The following PCDHGB1 variants were observed in gnomAD, a reference collection of about 807,000 sequenced individuals.
The protein encoded by PCDHGB1 is protocadherin gamma subfamily B, 1.
PCDHGB1 carries 34 observed loss-of-function variants against 56.6 expected under a neutral mutation model. The ratio of observed to expected loss-of-function variants is 0.60; its 90% CI spans 0.46 to 0.80. The LOEUF (loss-of-function observed/expected upper bound fraction) is 0.80. Among genes scored for constraint, PCDHGB1 ranks in the 30% least tolerant of loss-of-function variants. PCDHGB1 has a pLI of 0.00. For synonymous variants in PCDHGB1, 561 were observed against 505.9 expected (o/e 1.11, Z -1.46); for missense variants, 1,278 against 1,204.6 (o/e 1.06, Z -0.90).
At chr5:141,403,121 C>G in intron 1 of PCDHGB1, 1 of 1,614,046 alleles carries the variant, frequency 6.2e-7, no homozygotes, top group South Asian at 1.1e-5. Flanking sequence ...TCTGGAGCCC[C>G]GGGAGCTGGC....
In PCDHGB1 at chr5:141,415,309, G is replaced by A. The variant is rs199689792; in HGVS notation, c.2409+62640G>A. ...GGTCTCCTGCGTCTTCCTGGCCTTC[G>A]TCATCGTGCTGCTGGCGCACAGGCT... is the stretch of plus-strand genomic sequence containing the variant. On this transcript the variant is annotated intron_variant, in intron 1 of 3. Coordinates refer to ENST00000523390, the MANE Select transcript of PCDHGB1 (RefSeq NM_018922.3). 2.7e-5 allele frequency: 44 copies of A among 1,614,216 alleles called. No homozygotes were observed. In the Middle Eastern group the frequency reaches 8.2e-4, roughly 30 times the overall value.
At chr5:141,353,403 T>A (rs1413165994) in intron 1 of PCDHGB1, among the ~76,000 whole-genome samples, 1 of 152,242 alleles carries the variant, frequency 6.6e-6, no homozygotes, top group Non-Finnish European at 1.5e-5. Context: ...ATTAATGTAA[T>A]CTTCATCAAT....
At chr5:141,417,626 T>G in intron 1 of PCDHGB1, 2 of 689,576 alleles carry the variant, frequency 2.9e-6, no homozygotes, top group East Asian at 2.9e-5. Flanking sequence ...GAGCAAGCGC[T>G]GACGCCGGGG....
intron 1 of PCDHGB1, among the ~76,000 whole-genome samples, chr5:141,438,678 G>C (rs2098050264): frequency 7.1e-6 from 1 of 140,560 alleles, no homozygotes; most frequent in African/African-American, 2.6e-5. Context: ...ATTTGGAGTA[G>C]GGGATGGAGT....
At chr5:141,419,807 G>A in intron 1 of PCDHGB1, 2 of 1,614,074 alleles carry the variant, frequency 1.2e-6, no homozygotes, top group South Asian at 1.1e-5. Flanking sequence ...AAGAGATGGA[G>A]GACAGCCACC....
chr5:141,439,443 G>A (rs867907022), intron 1 of PCDHGB1, among the ~76,000 whole-genome samples: 1 of 152,164 alleles, frequency 6.6e-6, no homozygotes, highest in Non-Finnish European at 1.5e-5. Flanking sequence ...ATATTTTATT[G>A]CGGGAGCAAG....
intron 1 of PCDHGB1, among the ~76,000 whole-genome samples, chr5:141,465,422 G>T (rs74711061): frequency 6.6e-6 from 1 of 152,142 alleles, no homozygotes; most frequent in Non-Finnish European, 1.5e-5. Context: ...AGCACTGAAA[G>T]GTGGGCACTT....
chr5:141,360,334 C>T (rs1424290202), intron 1 of PCDHGB1: 1 of 1,613,888 alleles, frequency 6.2e-7, no homozygotes, highest in Non-Finnish European at 8.5e-7. Context: ...CCGGAAGCTG[C>T]GGGTTAGCGC....
At chr5:141,408,052 C>G in intron 1 of PCDHGB1, 1 of 1,283,102 alleles carries the variant, frequency 7.8e-7, no homozygotes, top group Non-Finnish European at 1.0e-6. Flanking sequence ...CACACAGAGC[C>G]TCCCGGCTGC....
intron 1 of PCDHGB1, chr5:141,418,387 G>T: frequency 1.9e-6 from 3 of 1,614,002 alleles, no homozygotes; most frequent in Non-Finnish European, 2.5e-6. Flanking sequence ...GTCCTAACGA[G>T]TATTTCTCAT....
At position 141,356,066 on chromosome 5, in the gene PCDHGB1, CA is replaced by C. The variant is rs754314348; in HGVS notation, c.2409+3398del. ...TTCCGGAAAGTAAGAGACAAAATAT[CA>C]CAGCTATTTCAGTTGAATTCTCTGA... On this transcript the variant is annotated intron_variant, in intron 1 of 3. Coordinates refer to ENST00000523390, the MANE Select transcript of PCDHGB1 (RefSeq NM_018922.3). The C allele has an allele frequency of 6.8e-6, 11 of 1,613,876 alleles. No homozygotes were observed. The South Asian group carries it at 1.2e-4, about 18-fold the overall frequency.
rs777634460 is a variant in PCDHGB1 at position 141,375,881 on chromosome 5, C to T, written c.2409+23212C>T. 4 of 1,613,818 alleles carry T rather than the reference C, an allele frequency of 2.5e-6. No individual in the cohort carries two copies. The South Asian group carries it at 4.4e-5, about 18-fold the overall frequency. ...GGTGGCGGTGGACAGAGACTCGGGC[C>T]AGAACGCCTGGCTGTCCTACCGCCT... On this transcript the variant is annotated intron_variant, in intron 1 of 3. Coordinates refer to ENST00000523390, the MANE Select transcript of PCDHGB1 (RefSeq NM_018922.3).
chr5:141,372,198 G>C lies in PCDHGB1; in HGVS notation c.2409+19529G>C, dbSNP rs776842752. The C allele has an allele frequency of 8.1e-6, 13 of 1,613,456 alleles. No individual in the cohort carries two copies. In the African/African-American group the frequency reaches 1.5e-4, roughly 18 times the overall value. On this transcript the variant is annotated intron_variant, in intron 1 of 3. Coordinates refer to ENST00000523390, the MANE Select transcript of PCDHGB1 (RefSeq NM_018922.3). ...GGTGGACGCAGACTCGGGATACAACGCCTGGCTGTCCTACCACATTGTGCA... is the reference window on the plus strand; with the variant it reads ...GGTGGACGCAGACTCGGGATACAACCCCTGGCTGTCCTACCACATTGTGCA...
intron 1 of PCDHGB1, chr5:141,360,493 G>C: frequency 6.2e-7 from 1 of 1,613,892 alleles, no homozygotes; most frequent in Non-Finnish European, 8.5e-7. Flanking sequence ...TTTCTACATA[G>C]CAGTAATTGT....
intron 1 of PCDHGB1, chr5:141,361,439 G>T (rs778817217): frequency 1.2e-6 from 2 of 1,614,032 alleles, no homozygotes. Context: ...CTCTCCTCCA[G>T]CATAATTGTC....
chr5:141,455,860 ATTAT>A (rs145569377), intron 1 of PCDHGB1, among the ~76,000 whole-genome samples: 54,169 of 139,612 alleles, frequency 0.39, 10,686 homozygotes, highest in Admixed American at 0.44. Context: ...AATTTCTTTT[ATTAT>A]TTATTTATTT....
In PCDHGB1 at chr5:141,405,631, C is replaced by T. The variant is rs150331884; in HGVS notation, c.2409+52962C>T. The T allele has an allele frequency of 4.9e-3, 2,596 of 530,826 alleles. 48 individuals carry two copies. The highest frequency in any genetic ancestry group is 0.045 in the African/African-American group (2,348 of 52,012). The allele number at this position is 530,826 out of a possible 1,614,324, so 32.9% of individuals were successfully genotyped here. ...CTGGGACTACAGGCACGTGCCACCA[C>T]GCCCGGCTAATTTTTTGTGTGTTTT... is the stretch of plus-strand genomic sequence containing the variant. On this transcript the variant is annotated intron_variant, in intron 1 of 3. Transcript: ENST00000523390.
intron 1 of PCDHGB1, among the ~76,000 whole-genome samples, chr5:141,467,055 C>CTTTTTTTTTTTTTTTTTTT (rs1193465269): frequency 7.4e-6 from 1 of 134,498 alleles, no homozygotes; most frequent in Non-Finnish European, 1.6e-5. Context: ...TCAATGTTTT[C>CTTTTTTTTTTTTTTTTTTT]TTTTTTTTTT....
chr5:141,393,543 C>T lies in PCDHGB1; in HGVS notation c.2409+40874C>T, dbSNP rs763455922. On this transcript the variant is annotated intron_variant, in intron 1 of 3. Coordinates refer to ENST00000523390, the MANE Select transcript of PCDHGB1 (RefSeq NM_018922.3). ...AAATGACAATGCCCCGGTTTTTCCT[C>T]ACCCGATTTACCGAGTGAAAGTCCT... is the stretch of plus-strand genomic sequence containing the variant. 7 of 1,613,870 alleles carry T rather than the reference C, an allele frequency of 4.3e-6. No individual in the cohort carries two copies. In the Admixed American group the frequency reaches 8.3e-5, roughly 19 times the overall value.
Sources: gnomAD v4.1 joint callset for allele counts (sites outside exome capture counted in the v4.1 genomes callset) on GRCh38, gnomAD v4.1.1 for gene constraint, MANE v1.5 for transcripts, NCBI Gene and HGNC (gene_info 2026-07-23, HGNC 2026-07-21) for gene names.